KANSL1: variants seen among roughly 807,000 people sequenced by gnomAD.
KANSL1 encodes the protein MLL1/MLL complex subunit KANSL1.
KANSL1 carries 22 observed loss-of-function variants against 103.6 expected under a neutral mutation model. The ratio of observed to expected loss-of-function variants is 0.21; its 90% confidence interval spans 0.15 to 0.30. The LOEUF (loss-of-function observed/expected upper bound fraction) is 0.30, where lower values mean the gene tolerates loss of function less well. Ranked by LOEUF, KANSL1 falls within the 10% of genes least tolerant of loss-of-function variation. KANSL1 has a pLI of 1.00. For missense variants in KANSL1, 1,337 were observed against 1,399.8 expected, an observed-to-expected ratio of 0.96 and a Z score of 0.72; for synonymous variants, 600 against 527.6, an observed-to-expected ratio of 1.14 and a Z score of -1.88.
chr17:46,089,034 T>C (rs1307223544), intron 3 of KANSL1, among the ~76,000 whole-genome samples: 4 of 152,172 alleles, frequency 2.6e-5, no homozygotes, highest in Non-Finnish European at 5.9e-5. Flanking sequence ...AAGTCCTGAG[T>C]TTAAATTTAG....
At chr17:46,190,251 A>G (rs1918788) in intron 1 of KANSL1, among the ~76,000 whole-genome samples, 21,942 of 152,208 alleles carry the variant, frequency 0.14, 2,135 homozygotes, top group Non-Finnish European at 0.22. Context: ...CCTTGATATG[A>G]GTTCACAAGT....
chr17:46,069,116 G>T (rs2078486579), intron 4 of KANSL1, among the ~76,000 whole-genome samples: 1 of 152,002 alleles, frequency 6.6e-6, no homozygotes, highest in Non-Finnish European at 1.5e-5. Flanking sequence ...AGTAGAGATG[G>T]GGTTTCACCA....
At position 46,171,883 on chromosome 17, in the gene KANSL1, T is replaced by C; in HGVS notation, c.261A>G (p.Val87=). The C allele has an allele frequency of 1.2e-6, 2 of 1,614,280 alleles. No individual in the cohort carries two copies. Among genetic ancestry groups the C allele is most frequent in the Non-Finnish European group, 1.7e-6 (2 of 1,180,050 alleles). ...AAGACTCCTTTGAGGGAACAGATGT[T>C]ACATCAGAGCAGAGATAAGATGCCA... The part of the protein sequence containing the change: ...PLVASYLCSD[V]TSVPSKESLK... The change falls in exon 2 of 15, where the codon GTA becomes GTG. Residue 87 remains valine (V), a synonymous_variant. Transcript: ENST00000432791.
At chr17:46,035,432 TC>T (rs2077120063) in intron 10 of KANSL1, 1 of 152,166 alleles carries the variant, frequency 6.6e-6, no homozygotes. Context: ...AGTCAGCACT[TC>T]CTGGGCCAGA....
chr17:46,164,384 A>G (rs1259620958), intron 2 of KANSL1, among the ~76,000 whole-genome samples: 1 of 152,258 alleles, frequency 6.6e-6, no homozygotes, highest in Non-Finnish European at 1.5e-5. Context: ...AGAATAGAAG[A>G]AAAAAACACA....
chr17:46,175,550 A>G (rs2147784694), intron 1 of KANSL1, among the ~76,000 whole-genome samples: 1 of 152,282 alleles, frequency 6.6e-6, no homozygotes, highest in East Asian at 1.9e-4. Flanking sequence ...GAGTTTCACC[A>G]CGTTGGCCAA....
upstream of KANSL1, chr17:46,193,676 C>T: frequency 3.3e-6 from 1 of 306,078 alleles, no homozygotes; most frequent in Non-Finnish European, 6.8e-6. Context: ...CCAGCTGCCC[C>T]GGACGTGCGG....
intron 1 of KANSL1, among the ~76,000 whole-genome samples, chr17:46,183,907 T>C (rs915147088): frequency 6.6e-6 from 1 of 152,072 alleles, no homozygotes; most frequent in African/African-American, 2.4e-5. Context: ...AATGAGACTG[T>C]CTCCAAAAAA....
At chr17:46,093,978 A>G (rs543327059) in intron 3 of KANSL1, 17 of 152,480 alleles carry the variant, frequency 1.1e-4, no homozygotes, top group African/African-American at 3.4e-4. Context: ...TCTAACAAAT[A>G]TGACAGTTAA....
chr17:46,148,509 G>A (rs2044862513), intron 2 of KANSL1, among the ~76,000 whole-genome samples: 1 of 151,972 alleles, frequency 6.6e-6, no homozygotes, highest in South Asian at 2.1e-4. Context: ...TTAACATAAG[G>A]TCATTTTTAC....
chr17:46,075,575 G>A (rs2078736064), intron 4 of KANSL1, among the ~76,000 whole-genome samples: 1 of 152,132 alleles, frequency 6.6e-6, no homozygotes, highest in African/African-American at 2.4e-5. Flanking sequence ...GTCCTCAGGT[G>A]ATCTGCCCAC....
chr17:46,210,656 A>C (rs1347319284), intron 1 of KANSL1, among the ~76,000 whole-genome samples: 1 of 152,176 alleles, frequency 6.6e-6, no homozygotes, highest in Non-Finnish European at 1.5e-5. Flanking sequence ...TAACATTTTA[A>C]TATATTGTAC....
At chr17:46,054,142 T>C (rs928494389) in intron 6 of KANSL1, among the ~76,000 whole-genome samples, 3 of 151,908 alleles carry the variant, frequency 2.0e-5, no homozygotes, top group Non-Finnish European at 4.4e-5. Flanking sequence ...AACAAGGATC[T>C]CCTGGGCTCA....
intron 4 of KANSL1, among the ~76,000 whole-genome samples, chr17:46,067,985 G>A (rs2078443314): frequency 6.6e-6 from 1 of 152,000 alleles, no homozygotes; most frequent in Admixed American, 6.6e-5. Context: ...GAGAGAAGGA[G>A]AATATTATAT....
chr17:46,192,735 G>A (rs983345758), intron 1 of KANSL1, 88 bp downstream of exon 1: 2 of 155,332 alleles, frequency 1.3e-5, no homozygotes, highest in African/African-American at 4.8e-5. Context: ...AACTAACAAA[G>A]AGAGAGAGAA....
chr17:46,164,149 T>C (rs1333694863), intron 2 of KANSL1, among the ~76,000 whole-genome samples: 4 of 152,270 alleles, frequency 2.6e-5, no homozygotes, highest in Non-Finnish European at 5.9e-5. Context: ...ACTTACTCCA[T>C]AAGTACTTAT....
At chr17:46,200,058 CA>C (rs2047744447) in intron 1 of KANSL1, among the ~76,000 whole-genome samples, 1 of 152,030 alleles carries the variant, frequency 6.6e-6, no homozygotes, top group Non-Finnish European at 1.5e-5. Flanking sequence ...CACACACACA[CA>C]CACACACCCT....
chr17:46,196,328 G>A, upstream of KANSL1: 1 of 456,346 alleles, frequency 2.2e-6, no homozygotes, highest in Non-Finnish European at 4.4e-6. Flanking sequence ...ACTCTATTCT[G>A]ATTAGTTTTA....
intron 2 of KANSL1, among the ~76,000 whole-genome samples, chr17:46,095,081 A>C (rs534226206): frequency 6.6e-6 from 1 of 152,336 alleles, no homozygotes; most frequent in African/African-American, 2.4e-5. Flanking sequence ...AGAATTCAGC[A>C]AAAGTGTTCA....
Sources: gnomAD v4.1 joint callset for allele counts (sites outside exome capture counted in the v4.1 genomes callset) on GRCh38, gnomAD v4.1.1 for gene constraint, MANE v1.5 for transcripts, NCBI Gene and HGNC (gene_info 2026-07-23, HGNC 2026-07-21) for gene names.